Variants in RASGRF2 observed in about 807,000 individuals in gnomAD.
RASGRF2 encodes ras-specific guanine nucleotide-releasing factor 2.
Under a neutral mutation model 151.0 loss-of-function variants are expected in RASGRF2, and 76 were observed. That is an observed-to-expected ratio of 0.50 (90% confidence interval 0.42 to 0.61). RASGRF2 has a LOEUF of 0.61. Ranked by LOEUF, RASGRF2 falls within the 20% of genes least tolerant of loss-of-function variation. The pLI is 0.00. For synonymous variants in RASGRF2, 504 were observed against 566.5 expected (o/e 0.89, Z 1.57); for missense variants, 1,148 against 1,564.6 (o/e 0.73, Z 4.49).
At chr5:80,996,533 T>C (rs1357809961) in intron 1 of RASGRF2, among the ~76,000 whole-genome samples, 1 of 36,528 alleles carries the variant, frequency 2.7e-5, no homozygotes, top group Non-Finnish European at 5.1e-5. Flanking sequence ...CTCCTCCTCC[T>C]CCCCCTCCTC....
rs575647502 is a variant in RASGRF2, at chr5:81,116,066, C to CTTTTTTTTTT, written c.2470+2171_2470+2180dup. On this transcript the variant is annotated intron_variant, in intron 15 of 26. Transcript: ENST00000265080. ...TAATCACTAGTGGTGAATGCCATTT[C>CTTTTTTTTTT]TTTTTTTTTTTTTTTTTTTTTTTTT... 9.6e-4 allele frequency among the ~76,000 whole-genome samples: 47 copies of CTTTTTTTTTT among 49,064 alleles called. 9 individuals are homozygous for CTTTTTTTTTT. The highest frequency in any genetic ancestry group is 2.1e-3 in the East Asian group (2 of 954). 32.2% of individuals were successfully genotyped at this position (49,064 alleles called of 152,430 possible). A position where few individuals can be genotyped will look rare whatever the true frequency, so the allele number is the denominator to read the frequency against.
chr5:80,981,343 C>T (rs1371339245), intron 1 of RASGRF2, among the ~76,000 whole-genome samples: 2 of 151,886 alleles, frequency 1.3e-5, no homozygotes, highest in African/African-American at 4.8e-5. Flanking sequence ...ATTGTGGTAC[C>T]TGTACTTTCT....
intron 25 of RASGRF2, among the ~76,000 whole-genome samples, chr5:81,218,557 A>G (rs1477898070): frequency 6.6e-6 from 1 of 152,182 alleles, no homozygotes; most frequent in East Asian, 1.9e-4. Flanking sequence ...ATTGGTCTAC[A>G]TGCCTATTTT....
At chr5:81,101,657 T>G (rs962921404) in intron 12 of RASGRF2, among the ~76,000 whole-genome samples, 1 of 152,174 alleles carries the variant, frequency 6.6e-6, no homozygotes, top group African/African-American at 2.4e-5. Flanking sequence ...TCTCCATCCA[T>G]GCATCTATCC....
chr5:80,995,685 C>T (rs111835677), intron 1 of RASGRF2, among the ~76,000 whole-genome samples: 246 of 19,344 alleles, frequency 0.013, 6 homozygotes, highest in South Asian at 0.02. Flanking sequence ...TCCTTTCCTT[C>T]CCCCCCCCTT....
At chr5:81,045,259 G>A (rs1750800048) in intron 2 of RASGRF2, among the ~76,000 whole-genome samples, 1 of 152,110 alleles carries the variant, frequency 6.6e-6, no homozygotes, top group Admixed American at 6.5e-5. Context: ...TTTAAAACAT[G>A]CCTGTTTTCC....
chr5:81,121,846 A>G (rs1753318507), intron 15 of RASGRF2, among the ~76,000 whole-genome samples: 1 of 151,936 alleles, frequency 6.6e-6, no homozygotes, highest in Non-Finnish European at 1.5e-5. Flanking sequence ...AGACCCCATT[A>G]CTCCCTCAGT....
chr5:81,025,023 T>G (rs114574382), intron 1 of RASGRF2, among the ~76,000 whole-genome samples: 1,718 of 152,262 alleles, frequency 0.011, 40 homozygotes, highest in African/African-American at 0.04. Context: ...TGGTCTGAGT[T>G]TAAAGCTCAG....
At chr5:80,972,378 C>T (rs1229235386) in intron 1 of RASGRF2, among the ~76,000 whole-genome samples, 1 of 152,188 alleles carries the variant, frequency 6.6e-6, no homozygotes, top group African/African-American at 2.4e-5. Flanking sequence ...TGTAAGCATT[C>T]TAATAGGTGT....
At chr5:80,991,837 C>T (rs1280915456) in intron 1 of RASGRF2, among the ~76,000 whole-genome samples, 1 of 152,174 alleles carries the variant, frequency 6.6e-6, no homozygotes, top group Non-Finnish European at 1.5e-5. Flanking sequence ...TTGCCAGGGA[C>T]AGTGGCTTTT....
chr5:81,004,833 A>G (rs535156260), intron 1 of RASGRF2, among the ~76,000 whole-genome samples: 57 of 152,210 alleles, frequency 3.7e-4, no homozygotes, highest in Non-Finnish European at 6.9e-4. Context: ...TGAAATGATA[A>G]TCTATGTAGC....
chr5:80,971,653 C>T (rs897543558), intron 1 of RASGRF2, among the ~76,000 whole-genome samples: 4 of 151,380 alleles, frequency 2.6e-5, no homozygotes, highest in Admixed American at 1.3e-4. Flanking sequence ...GCAGCCTTGA[C>T]GTCCTGGGCT....
At chr5:81,072,156 C>A (rs1295366454) in intron 4 of RASGRF2, among the ~76,000 whole-genome samples, 2 of 152,092 alleles carry the variant, frequency 1.3e-5, no homozygotes, top group African/African-American at 4.8e-5. Flanking sequence ...CAAATATCAA[C>A]CTAATTTTTG....
At chr5:81,065,122 T>G (rs1751561763) in intron 2 of RASGRF2, among the ~76,000 whole-genome samples, 1 of 152,162 alleles carries the variant, frequency 6.6e-6, no homozygotes, top group South Asian at 2.1e-4. Flanking sequence ...GCATCTTGAT[T>G]GACACCGTGA....
At chr5:81,041,390 T>G (rs561142117) in intron 1 of RASGRF2, among the ~76,000 whole-genome samples, 30 of 152,242 alleles carry the variant, frequency 2.0e-4, no homozygotes, top group South Asian at 8.3e-4. Context: ...CAAAGGGCAA[T>G]GCATCTTCAA....
rs1045930635 is a variant in RASGRF2 at position 81,219,616 on chromosome 5, C to G, written c.3553-94C>G. Reference sequence around the variant, plus strand: ...TCACTGGAGGAAGGGACTGACCCTTCTGGGAAGAGGCCTCAGAAGAATGTG... The same window carrying G: ...TCACTGGAGGAAGGGACTGACCCTTGTGGGAAGAGGCCTCAGAAGAATGTG... On this transcript the variant is annotated intron_variant, in intron 25 of 26. Coordinates refer to ENST00000265080, the MANE Select transcript of RASGRF2 (RefSeq NM_006909.3). 4 of 1,040,826 alleles carry G rather than the reference C, an allele frequency of 3.8e-6. No homozygotes were observed. The African/African-American group carries it at 6.4e-5, about 17-fold the overall frequency. The allele number at this position is 1,040,826 out of a possible 1,614,324, so 64.5% of individuals were successfully genotyped here.
At chr5:81,057,505 T>G (rs930758968) in intron 2 of RASGRF2, among the ~76,000 whole-genome samples, 4 of 152,198 alleles carry the variant, frequency 2.6e-5, no homozygotes, top group Admixed American at 1.3e-4. Context: ...CTTTTCTCCA[T>G]ATGGAGTGAT....
intron 1 of RASGRF2, among the ~76,000 whole-genome samples, chr5:81,029,665 A>T (rs566067016): frequency 6.6e-6 from 1 of 152,350 alleles, no homozygotes; most frequent in African/African-American, 2.4e-5. Flanking sequence ...ATCATCAAAG[A>T]CCAAAGGTAG....
chr5:81,009,159 A>G (rs769200957), intron 1 of RASGRF2, among the ~76,000 whole-genome samples: 1 of 152,228 alleles, frequency 6.6e-6, no homozygotes, highest in Non-Finnish European at 1.5e-5. Context: ...TAAAAGGGGA[A>G]TAAATTATGG....
Sources: gnomAD v4.1 joint callset for allele counts (sites outside exome capture counted in the v4.1 genomes callset) on GRCh38, gnomAD v4.1.1 for gene constraint, MANE v1.5 for transcripts, NCBI Gene and HGNC (gene_info 2026-07-23, HGNC 2026-07-21) for gene names.